The following COL19A1 variants were observed in gnomAD, a reference collection of about 807,000 sequenced individuals.
COL19A1 encodes collagen type XIX alpha 1 chain.
Under a neutral mutation model 190.2 loss-of-function variants are expected in COL19A1, and 159 were observed. The observed-to-expected ratio is 0.84, with a 90% CI of 0.73 to 0.95. The LOEUF (loss-of-function observed/expected upper bound fraction) is 0.95, where lower values mean the gene tolerates loss of function less well. Ranked by LOEUF, COL19A1 falls within the 40% of genes least tolerant of loss-of-function variation. COL19A1 has a pLI of 0.00. For synonymous variants in COL19A1, 509 were observed against 458.9 expected (o/e 1.11, Z -1.39); for missense variants, 1,418 against 1,431.9 (o/e 0.99, Z 0.16).
At chr6:70,105,329 T>C (rs1469587733) in intron 16 of COL19A1, among the ~76,000 whole-genome samples, 2 of 151,958 alleles carry the variant, frequency 1.3e-5, no homozygotes, top group Non-Finnish European at 2.9e-5. Context: ...AGCCAATTTT[T>C]GTATTTTTAG....
At chr6:70,101,078 A>G (rs886785798) in intron 15 of COL19A1, among the ~76,000 whole-genome samples, 5 of 152,192 alleles carry the variant, frequency 3.3e-5, no homozygotes, top group African/African-American at 1.2e-4. Context: ...GGTGAATAAA[A>G]TGGGCCTTTC....
intron 46 of COL19A1, 57 bp downstream of exon 46, chr6:70,184,972 C>A: frequency 6.5e-7 from 1 of 1,527,490 alleles, no homozygotes; most frequent in Non-Finnish European, 9.0e-7. Context: ...ACTGTCCCAT[C>A]ATTTGAGTTA....
chr6:70,168,314 A>G (rs1374590287), intron 39 of COL19A1, 99 bp downstream of exon 39: 2 of 1,267,214 alleles, frequency 1.6e-6, no homozygotes, highest in East Asian at 4.7e-5. Flanking sequence ...AACGCATGTT[A>G]TGAATACAGC....
At position 70,144,856 on chromosome 6, in the gene COL19A1, C is replaced by T. The variant is rs1786510908; in HGVS notation, c.1681-62C>T. On this transcript the variant is annotated intron_variant, in intron 24 of 50. Transcript: ENST00000620364. ...CAACTTAAAACAATGGAAACCACTA[C>T]CTCCTCACTTCCCACCATGAACCTG... 3.9e-6 allele frequency: 4 copies of T among 1,023,622 alleles called. No individual in the cohort carries two copies. The South Asian group carries it at 5.7e-5, about 15-fold the overall frequency. The allele number at this position is 1,023,622 out of a possible 1,614,324, so 63.4% of individuals were successfully genotyped here. A position where few individuals can be genotyped will look rare whatever the true frequency, so the allele number is the denominator to read the frequency against.
At chr6:69,911,857 CT>C (rs1222322520) in intron 4 of COL19A1, among the ~76,000 whole-genome samples, 1 of 152,186 alleles carries the variant, frequency 6.6e-6, no homozygotes, top group Non-Finnish European at 1.5e-5. Flanking sequence ...ATACTTAATC[CT>C]TCCCTATTAC....
chr6:70,108,338 A>G (rs1244163235), intron 16 of COL19A1, among the ~76,000 whole-genome samples: 1 of 151,678 alleles, frequency 6.6e-6, no homozygotes, highest in Non-Finnish European at 1.5e-5. Context: ...TCATTATTGC[A>G]GTATGAGAAT....
At chr6:70,120,020 G>A (rs1784795562) in intron 16 of COL19A1, among the ~76,000 whole-genome samples, 1 of 152,204 alleles carries the variant, frequency 6.6e-6, no homozygotes, top group African/African-American at 2.4e-5. Context: ...GAACCTGGGA[G>A]GCAGAGGTTG....
chr6:70,103,313 T>C (rs920550205), intron 16 of COL19A1, among the ~76,000 whole-genome samples: 1 of 152,208 alleles, frequency 6.6e-6, no homozygotes, highest in African/African-American at 2.4e-5. Flanking sequence ...TCTGTCAATT[T>C]GAACCTATAT....
In COL19A1 at chr6:70,156,213, T is replaced by G; in HGVS notation, c.2166T>G (p.Tyr722Ter). The change falls in exon 32 of 51, where the codon TAT becomes TAG. Residue 722 changes from tyrosine to a stop codon, truncating the protein, a stop_gained. Transcript: ENST00000620364. LOFTEE classifies it high-confidence loss of function. ...EEGGAGEPGK[Y>*]DSMARKGDIG... is the part of the protein sequence containing the mutation. ...GAGGTGCTGGTGAGCCTGGAAAGTA[T>G]GATTCCATGGCCCGGAAGGTGAGAA... is the stretch of plus-strand genomic sequence containing the variant. 6.2e-7 allele frequency: 1 copy of G among 1,613,358 alleles called. No homozygotes were observed. Among genetic ancestry groups the G allele is most frequent in the Non-Finnish European group, 8.5e-7 (1 of 1,179,584 alleles).
At chr6:70,111,848 A>G (rs1454730618) in intron 16 of COL19A1, among the ~76,000 whole-genome samples, 3 of 152,202 alleles carry the variant, frequency 2.0e-5, no homozygotes, top group Non-Finnish European at 4.4e-5. Flanking sequence ...AGTGAGGACC[A>G]CAATCACCCA....
intron 18 of COL19A1, among the ~76,000 whole-genome samples, chr6:70,131,698 G>A (rs886175854): frequency 6.6e-6 from 1 of 152,168 alleles, no homozygotes; most frequent in Non-Finnish European, 1.5e-5. Flanking sequence ...AAGCCACAAA[G>A]CTTGTCACAT....
intron 16 of COL19A1, among the ~76,000 whole-genome samples, chr6:70,108,308 T>C (rs565234764): frequency 6.6e-6 from 1 of 152,282 alleles, no homozygotes; most frequent in Non-Finnish European, 1.5e-5. Context: ...TTTCTTCTGG[T>C]ATTGTTTTTA....
intron 15 of COL19A1, among the ~76,000 whole-genome samples, chr6:70,085,385 G>T (rs1187848426): frequency 6.6e-6 from 1 of 152,180 alleles, no homozygotes; most frequent in Non-Finnish European, 1.5e-5. Flanking sequence ...CATTAAGCCA[G>T]TTAGCACTGT....
At chr6:69,936,641 C>A in intron 7 of COL19A1, 144 bp from the exon 8 acceptor site, 2 of 986,254 alleles carry the variant, frequency 2.0e-6, no homozygotes, top group Non-Finnish European at 3.0e-6. Flanking sequence ...GATAAACATT[C>A]TCACACTGGT....
At chr6:70,054,178 C>T (rs552565031) in intron 14 of COL19A1, among the ~76,000 whole-genome samples, 5 of 152,192 alleles carry the variant, frequency 3.3e-5, no homozygotes, top group East Asian at 1.9e-4. Flanking sequence ...GGCAAAACTC[C>T]GTCTCTACTA....
intron 4 of COL19A1, among the ~76,000 whole-genome samples, chr6:69,921,955 C>T (rs919891417): frequency 3.3e-5 from 5 of 151,910 alleles, no homozygotes; most frequent in African/African-American, 7.3e-5. Context: ...AATTACACTC[C>T]ATTCAAAATA....
intron 5 of COL19A1, 146 bp downstream of exon 5, chr6:69,928,178 T>C: frequency 9.6e-7 from 1 of 1,046,732 alleles, no homozygotes; most frequent in Non-Finnish European, 1.4e-6. Flanking sequence ...AAAATGCAAG[T>C]ATTCTCGTAG....
At chr6:69,927,026 T>C (rs1168088910) in intron 4 of COL19A1, among the ~76,000 whole-genome samples, 1 of 152,106 alleles carries the variant, frequency 6.6e-6, no homozygotes, top group African/African-American at 2.4e-5. Flanking sequence ...AGCAAAACTA[T>C]CCTTCAAAAC....
intron 41 of COL19A1, among the ~76,000 whole-genome samples, chr6:70,175,474 T>C (rs965747492): frequency 6.6e-6 from 1 of 152,060 alleles, no homozygotes; most frequent in Non-Finnish European, 1.5e-5. Context: ...TGGGATATAA[T>C]GTAAAGAGAA....
Sources: allele counts gnomAD v4.1 joint callset (sites outside exome capture counted in the v4.1 genomes callset), GRCh38; gene constraint gnomAD v4.1.1; transcripts MANE v1.5; gene names NCBI Gene and HGNC (gene_info 2026-07-23, HGNC 2026-07-21).